The following ADSL variants were observed in gnomAD, a reference collection of about 807,000 sequenced individuals.
ADSL encodes adenylosuccinate lyase, also known as adenylosuccinase.
ADSL carries 44 observed loss-of-function variants against 62.1 expected under a neutral mutation model. The observed-to-expected ratio is 0.71, with a 90% CI of 0.56 to 0.91. The LOEUF (loss-of-function observed/expected upper bound fraction) is 0.91. ADSL is among the 40% of genes least tolerant of loss of function. The pLI is 0.00. For missense variants in ADSL, 531 were observed against 627.4 expected (o/e 0.85, Z 1.64); for synonymous variants, 198 against 220.5 (o/e 0.90, Z 0.90).
chr22:40,348,404 G>C (rs2044221138), intron 1 of ADSL: 2 of 398,074 alleles, frequency 5.0e-6, no homozygotes, highest in African/African-American at 4.1e-5. Context: ...TAGGTTTTGA[G>C]ACTGGGTCTG....
At chr22:40,366,393 T>C (rs190018503) in intron 12 of ADSL, 43 bp from the exon 13 acceptor site, 3 of 1,403,038 alleles carry the variant, frequency 2.1e-6, no homozygotes, top group Middle Eastern at 1.8e-4. Context: ...TCTGCTAATA[T>C]CTTAACATTT....
chr22:40,379,794 C>T (rs772502017), intron 2 of ADSL, among the ~76,000 whole-genome samples: 25 of 152,088 alleles, frequency 1.6e-4, no homozygotes, highest in Admixed American at 4.6e-4. Context: ...CTGCAACCTC[C>T]ACCTCCCAGG....
chr22:40,382,527 G>T (rs1223641351), intron 2 of ADSL, among the ~76,000 whole-genome samples: 1 of 152,128 alleles, frequency 6.6e-6, no homozygotes, highest in East Asian at 1.9e-4. Flanking sequence ...AGCATGGCAG[G>T]TGTGTTCTAA....
intron 12 of ADSL, 65 bp from the exon 13 acceptor site, chr22:40,366,371 G>T: frequency 1.6e-6 from 2 of 1,216,194 alleles, no homozygotes; most frequent in Non-Finnish European, 2.4e-6. Context: ...CCTGACATTG[G>T]AAAAGGTATT....
chr22:40,371,200 G>T (rs1601622347), downstream of ADSL, among the ~76,000 whole-genome samples: 1 of 152,244 alleles, frequency 6.6e-6, no homozygotes, highest in Non-Finnish European at 1.5e-5. Flanking sequence ...TAGCACGGGG[G>T]AAACTGAGGC....
intron 4 of ADSL, among the ~76,000 whole-genome samples, chr22:40,356,732 A>T (rs2044574754): frequency 6.6e-6 from 1 of 151,832 alleles, no homozygotes. Context: ...AGTTCCAGCC[A>T]CTCAGGAGGC....
At chr22:40,354,094 G>A in intron 3 of ADSL, 154 bp from the exon 4 acceptor site, 3 of 761,002 alleles carry the variant, frequency 3.9e-6, no homozygotes, top group Non-Finnish European at 7.0e-6. Context: ...ACTCTTCCAG[G>A]CACTTTAGGG....
At chr22:40,374,021 T>C (rs962253391), downstream of ADSL, among the ~76,000 whole-genome samples, 1 of 152,134 alleles carries the variant, frequency 6.6e-6, no homozygotes, top group Non-Finnish European at 1.5e-5. Flanking sequence ...TGATCTCGGC[T>C]CACTGCAAGC....
At chr22:40,350,881 A>G (rs1044462358) in intron 2 of ADSL, among the ~76,000 whole-genome samples, 1 of 152,094 alleles carries the variant, frequency 6.6e-6, no homozygotes, top group African/African-American at 2.4e-5. Context: ...TTGGCCTCCC[A>G]AAGTGCTGAG....
chr22:40,354,435 T>A, intron 4 of ADSL, 108 bp downstream of exon 4: 2 of 885,882 alleles, frequency 2.3e-6, no homozygotes, highest in Non-Finnish European at 3.8e-6. Context: ...AAACATGATT[T>A]AAATATAAGT....
At chr22:40,369,580 TG>T (rs1282962297), downstream of ADSL, among the ~76,000 whole-genome samples, 2 of 151,832 alleles carry the variant, frequency 1.3e-5, no homozygotes, top group African/African-American at 4.8e-5. Flanking sequence ...CACAGTTCAC[TG>T]CAGCCTTGAT....
intron 6 of ADSL, among the ~76,000 whole-genome samples, chr22:40,359,733 A>T (rs1274605170): frequency 6.6e-6 from 1 of 151,884 alleles, no homozygotes; most frequent in Non-Finnish European, 1.5e-5. Context: ...TGTAGAGACC[A>T]TGTTGCCCAG....
downstream of ADSL, among the ~76,000 whole-genome samples, chr22:40,371,655 A>T (rs901497874): frequency 6.7e-6 from 1 of 149,906 alleles, no homozygotes; most frequent in African/African-American, 2.5e-5. Flanking sequence ...TTTTTACACT[A>T]TTTCTGTTCT....
At chr22:40,357,813 G>A (rs897074190) in intron 4 of ADSL, among the ~76,000 whole-genome samples, 1 of 151,976 alleles carries the variant, frequency 6.6e-6, no homozygotes, top group South Asian at 2.1e-4. Context: ...GAATCTGGCT[G>A]TGTCGCCCAG....
At chr22:40,372,805 C>T (rs1227724448), downstream of ADSL, 1 of 152,154 alleles carries the variant, frequency 6.6e-6, no homozygotes, top group South Asian at 2.1e-4. Context: ...CTTCTTAGTT[C>T]TCAATGAAGG....
intron 1 of ADSL, among the ~76,000 whole-genome samples, chr22:40,349,191 G>A (rs1460403776): frequency 1.3e-5 from 2 of 152,162 alleles, no homozygotes; most frequent in African/African-American, 4.8e-5. Context: ...GTGGTGATAA[G>A]TGCTGTAAAT....
intron 2 of ADSL, among the ~76,000 whole-genome samples, chr22:40,383,190 G>A (rs2047851666): frequency 6.6e-6 from 1 of 152,034 alleles, no homozygotes; most frequent in African/African-American, 2.4e-5. Context: ...AGGAACGGCC[G>A]GGTGCAGTGG....
At chr22:40,346,818 G>T in intron 1 of ADSL, 107 bp downstream of exon 1, 1 of 1,209,336 alleles carries the variant, frequency 8.3e-7, no homozygotes. Flanking sequence ...CTGCGGCCCG[G>T]CTATTTTCAG....
At chr22:40,382,006 TC>T (rs2047653630) in intron 2 of ADSL, among the ~76,000 whole-genome samples, 1 of 152,110 alleles carries the variant, frequency 6.6e-6, no homozygotes, top group Non-Finnish European at 1.5e-5. Flanking sequence ...TTCTATCAGA[TC>T]AGAATAAAAG....
Sources: gnomAD v4.1 joint callset for allele counts (sites outside exome capture counted in the v4.1 genomes callset) on GRCh38, gnomAD v4.1.1 for gene constraint, MANE v1.5 for transcripts, NCBI Gene and HGNC (gene_info 2026-07-23, HGNC 2026-07-21) for gene names.